Variants in TRMT9B observed in about 807,000 individuals in gnomAD.
The protein encoded by TRMT9B is tRNA methyltransferase 9B (putative).
TRMT9B carries 16 observed loss-of-function variants against 11.5 expected under a neutral mutation model. The observed-to-expected ratio is 1.39, with a 90% confidence interval of 0.94 to 2.11. TRMT9B has a LOEUF of 2.11. Among genes scored for constraint, TRMT9B ranks in the 30% most tolerant of loss-of-function variants. The pLI is 0.00. For synonymous variants in TRMT9B, 274 were observed against 192.4 expected (o/e 1.42, Z -3.51); for missense variants, 941 against 553.8 (o/e 1.70, Z -7.02).
chr8:12,946,058 T>A (rs139133185), intron 1 of TRMT9B, 92 bp downstream of exon 1: 1 of 152,348 alleles, frequency 6.6e-6, no homozygotes, highest in East Asian at 1.9e-4. Context: ...ATAAGTGCCA[T>A]GAGGGTAGAT....
chr8:13,013,578 A>G (rs1322730875), intron 4 of TRMT9B, among the ~76,000 whole-genome samples: 1 of 151,706 alleles, frequency 6.6e-6, no homozygotes, highest in Non-Finnish European at 1.5e-5. Context: ...GAATCCTATG[A>G]CAAGGTTTTT....
intron 1 of TRMT9B, among the ~76,000 whole-genome samples, chr8:12,963,691 A>G (rs1019780598): frequency 6.7e-6 from 1 of 149,760 alleles, no homozygotes; most frequent in African/African-American, 2.5e-5. Context: ...CAATGCTATG[A>G]TGAGCCGTGA....
chr8:12,999,445 C>T (rs574184516), intron 2 of TRMT9B, among the ~76,000 whole-genome samples: 4 of 151,842 alleles, frequency 2.6e-5, no homozygotes, highest in Non-Finnish European at 5.9e-5. Context: ...CATACGCACA[C>T]ACATATGTAT....
intron 3 of TRMT9B, chr8:13,010,626 T>A: frequency 1.0e-6 from 1 of 985,226 alleles, no homozygotes; most frequent in Non-Finnish European, 1.2e-6. Context: ...TGTTTCCTTC[T>A]TATTACAAAA....
chr8:13,011,078 G>A (rs942547237), intron 3 of TRMT9B: 1 of 406,422 alleles, frequency 2.5e-6, no homozygotes, highest in Non-Finnish European at 3.3e-6. Context: ...TCCACCTCCT[G>A]AATTTAAGTG....
At position 13,002,951 on chromosome 8, in the gene TRMT9B, G is replaced by A. The variant is rs1809739008; in HGVS notation, c.-1-3251G>A. On this transcript the variant is annotated intron_variant, in intron 2 of 4. Transcript: ENST00000524591. ...TCCCCTCCCTTCCCCAGCTCCTCAG[G>A]GTGATCACTCCCTCTGCTAACCAAA... is the stretch of plus-strand genomic sequence containing the variant. 2.6e-5 allele frequency among the ~76,000 whole-genome samples: 4 copies of A among 152,094 alleles called. No homozygotes were observed. In the South Asian group the frequency reaches 8.3e-4, roughly 32 times the overall value.
chr8:12,949,844 A>G (rs894138854), intron 1 of TRMT9B, among the ~76,000 whole-genome samples: 1 of 151,890 alleles, frequency 6.6e-6, no homozygotes, highest in Non-Finnish European at 1.5e-5. Context: ...TCCACTCCCT[A>G]GTTAATTCTA....
chr8:12,985,496 A>G (rs1806143023), intron 1 of TRMT9B, among the ~76,000 whole-genome samples: 1 of 152,170 alleles, frequency 6.6e-6, no homozygotes, highest in African/African-American at 2.4e-5. Flanking sequence ...CTTGCTGTCT[A>G]TACTTTTGTA....
At chr8:13,009,023 C>T (rs551257281) in intron 3 of TRMT9B, among the ~76,000 whole-genome samples, 3 of 152,130 alleles carry the variant, frequency 2.0e-5, no homozygotes, top group Admixed American at 6.5e-5. Flanking sequence ...CCACCGCGCC[C>T]GGCCGGTAAT....
chr8:12,987,412 C>T (rs1806510535), intron 1 of TRMT9B, among the ~76,000 whole-genome samples: 1 of 152,098 alleles, frequency 6.6e-6, no homozygotes. Context: ...GCACTTAGGC[C>T]TGGTGCAGTG....
At position 13,026,018 on chromosome 8, in the gene TRMT9B, C is replaced by G. The variant is rs1458356550; in HGVS notation, c.*3974C>G. 1.8e-5 allele frequency: 3 copies of G among 166,840 alleles called. No homozygotes were observed. The highest frequency in any genetic ancestry group is 7.3e-5 in the African/African-American group (3 of 41,348). The allele number at this position is 166,840 out of a possible 1,614,324, so 10.3% of individuals were successfully genotyped here. On this transcript the variant is annotated 3_prime_UTR_variant, in exon 5 of 5. Coordinates refer to ENST00000524591, the MANE Select transcript of TRMT9B (RefSeq NM_020844.3). ...TGGTGGATTTTAAATTAAATTAATA[C>G]ATATATACGAGTTTGGAGGAGAACA...
At chr8:12,986,862 C>G (rs1423894399) in intron 1 of TRMT9B, among the ~76,000 whole-genome samples, 1 of 152,176 alleles carries the variant, frequency 6.6e-6, no homozygotes, top group African/African-American at 2.4e-5. Flanking sequence ...TCATTCTTTG[C>G]TAACATATTT....
chr8:12,953,500 C>G (rs1800911194), intron 1 of TRMT9B, among the ~76,000 whole-genome samples: 1 of 152,184 alleles, frequency 6.6e-6, no homozygotes, highest in South Asian at 2.1e-4. Context: ...CAGGTGCAAA[C>G]CACCATGCCC....
chr8:13,016,763 T>C (rs994296024), intron 4 of TRMT9B, among the ~76,000 whole-genome samples: 1 of 150,922 alleles, frequency 6.6e-6, no homozygotes, highest in Non-Finnish European at 1.5e-5. Flanking sequence ...CCTTCCCCCT[T>C]TCCCCAGAGG....
At chr8:12,953,744 A>T (rs765749798) in intron 1 of TRMT9B, among the ~76,000 whole-genome samples, 2 of 152,172 alleles carry the variant, frequency 1.3e-5, no homozygotes, top group Non-Finnish European at 2.9e-5. Context: ...GGTGCCTTAG[A>T]GTTGCTCATA....
chr8:12,989,021 G>A (rs144383464), intron 1 of TRMT9B, among the ~76,000 whole-genome samples: 12 of 152,218 alleles, frequency 7.9e-5, no homozygotes, highest in African/African-American at 2.6e-4. Context: ...ACATCTGCCA[G>A]AGATTCAGTT....
rs201094145 is a variant in TRMT9B at position 13,021,664 on chromosome 8, A to C, written c.985A>C (p.Thr329Pro). ...CTTGGAGTGGCTGAGAGCACCAGGC[A>C]CTCTGAAACATTTAAATGGAGACCA... Reference protein sequence around the residue: ...KHLEWLRAPGTLKHLNGDHQG... With the variant: ...KHLEWLRAPGPLKHLNGDHQG... The change falls in exon 5 of 5, where the codon ACT (threonine) becomes CCT (proline). Residue 329 changes from threonine (T) to proline (P), a missense_variant. Transcript: ENST00000524591. 4 of 1,613,804 alleles carry C rather than the reference A, an allele frequency of 2.5e-6. No individual in the cohort carries two copies. The highest frequency in any genetic ancestry group is 3.4e-6 in the Non-Finnish European group (4 of 1,179,810).
chr8:12,961,741 A>C (rs1369114528), intron 1 of TRMT9B: 1 of 151,514 alleles, frequency 6.6e-6, no homozygotes, highest in Admixed American at 6.6e-5. Flanking sequence ...CGTTACCTTC[A>C]GGGATCCAAG....
At chr8:13,009,899 G>C (rs565248283) in intron 3 of TRMT9B, among the ~76,000 whole-genome samples, 24 of 152,032 alleles carry the variant, frequency 1.6e-4, no homozygotes, top group African/African-American at 5.8e-4. Context: ...GAGGTGTGGC[G>C]GGCAGATCTT....
Sources: allele counts gnomAD v4.1 joint callset (sites outside exome capture counted in the v4.1 genomes callset), GRCh38; gene constraint gnomAD v4.1.1; transcripts MANE v1.5; gene names NCBI Gene and HGNC (gene_info 2026-07-23, HGNC 2026-07-21).